Variants in GPHN observed in about 807,000 individuals in gnomAD.
GPHN encodes gephyrin.
A neutral mutation model predicts 95.5 loss-of-function variants in GPHN; 17 were observed. The observed-to-expected ratio is 0.18, with a 90% CI of 0.12 to 0.27. GPHN has a LOEUF of 0.27. GPHN is among the 10% of genes least tolerant of loss of function. The pLI is 1.00. For missense variants in GPHN, 660 were observed against 978.1 expected (o/e 0.67, Z 4.34); for synonymous variants, 320 against 322.5 (o/e 0.99, Z 0.08).
chr14:67,211,973 G>C, the GPHN span, among the ~76,000 whole-genome samples: 5 of 152,140 alleles, frequency 3.3e-5, no homozygotes, highest in Non-Finnish European at 5.9e-5. Flanking sequence ...ATTTGTCCTG[G>C]ATAGACTTTA....
At chr14:67,062,376 A>T (rs1266180717) in intron 11 of GPHN, among the ~76,000 whole-genome samples, 2 of 152,246 alleles carry the variant, frequency 1.3e-5, no homozygotes, top group African/African-American at 4.8e-5. Flanking sequence ...GCCTCTGCAA[A>T]CACTCTAACA....
the GPHN span, among the ~76,000 whole-genome samples, chr14:67,547,509 C>T: frequency 1.3e-5 from 2 of 152,194 alleles, no homozygotes; most frequent in East Asian, 3.9e-4. Context: ...TTGCTACACG[C>T]ACTGGGAGGA....
At chr14:67,408,787 C>T in the GPHN span, among the ~76,000 whole-genome samples, 11 of 152,262 alleles carry the variant, frequency 7.2e-5, no homozygotes, top group Admixed American at 2.6e-4. Flanking sequence ...TTTTCTTCTA[C>T]GCATATTTTT....
the GPHN span, among the ~76,000 whole-genome samples, chr14:67,230,647 C>T: frequency 1.3e-5 from 2 of 152,004 alleles, no homozygotes; most frequent in Admixed American, 1.3e-4. Flanking sequence ...CAAAATAAGA[C>T]TCGTACACAA....
At chr14:67,171,401 A>C (rs1308407289) in intron 21 of GPHN, among the ~76,000 whole-genome samples, 1 of 152,038 alleles carries the variant, frequency 6.6e-6, no homozygotes, top group Non-Finnish European at 1.5e-5. Flanking sequence ...AGAAAAAGAA[A>C]GGAACACAAT....
chr14:66,922,926 C>T lies in GPHN; in HGVS notation c.717C>T (p.Ala239=). Residue 239 remains alanine (A), a synonymous_variant, in exon 7 of 23, where the codon GCC becomes GCT. Coordinates refer to ENST00000478722, the MANE Select transcript of GPHN (RefSeq NM_020806.5). The part of the protein sequence containing the change: ...DSSSSHITAA[A]IAAKKHPFYT... ...CCTCATCACATATAACTGCAGCAGC[C>T]ATTGCTGCCAAGGTAAGCCTGATGA... The T allele has an allele frequency of 6.2e-7, 1 of 1,611,970 alleles. No individual in the cohort carries two copies. The highest frequency in any genetic ancestry group is 8.5e-7 in the Non-Finnish European group (1 of 1,179,388).
the GPHN span, chr14:67,649,929 T>C: frequency 1.3e-5 from 2 of 152,156 alleles, no homozygotes. Flanking sequence ...GGGGTGAGCA[T>C]AGTAGCAGGT....
chr14:66,672,226 A>G (rs1339573857), intron 1 of GPHN, among the ~76,000 whole-genome samples: 1 of 152,088 alleles, frequency 6.6e-6, no homozygotes, highest in African/African-American at 2.4e-5. Context: ...TGTTTAATCT[A>G]TAGGTATTTG....
chr14:67,582,713 TG>T, the GPHN span, among the ~76,000 whole-genome samples: 1 of 152,062 alleles, frequency 6.6e-6, no homozygotes, highest in South Asian at 2.1e-4. This position sits in a 1 kb window ranked among gnomAD's most constrained non-coding sequence, Gnocchi z 5.0. Context: ...GGTGGGCGCC[TG>T]TAATCCCAGC....
At chr14:66,775,524 TGTA>T (rs1266281331) in intron 2 of GPHN, among the ~76,000 whole-genome samples, 2 of 152,336 alleles carry the variant, frequency 1.3e-5, no homozygotes, top group African/African-American at 2.4e-5. Context: ...TATTTTAACA[TGTA>T]GTCAATATAT....
At chr14:67,192,883 T>G in the GPHN span, among the ~76,000 whole-genome samples, 1 of 146,616 alleles carries the variant, frequency 6.8e-6, no homozygotes, top group Non-Finnish European at 1.5e-5. Context: ...TATAGATATA[T>G]ATCTAGATAT....
the GPHN span, among the ~76,000 whole-genome samples, chr14:67,428,881 A>G: frequency 1.3e-5 from 2 of 152,218 alleles, no homozygotes; most frequent in Non-Finnish European, 2.9e-5. Context: ...TGGAGGAGCC[A>G]GGTGAACTTT....
intron 9 of GPHN, among the ~76,000 whole-genome samples, chr14:66,980,293 C>T (rs939982415): frequency 1.3e-5 from 2 of 152,032 alleles, no homozygotes; most frequent in Non-Finnish European, 2.9e-5. Flanking sequence ...GCCTGTATAC[C>T]ACAGCATTTT....
At chr14:67,348,386 T>C in the GPHN span, among the ~76,000 whole-genome samples, 1 of 152,108 alleles carries the variant, frequency 6.6e-6, no homozygotes, top group Non-Finnish European at 1.5e-5. Flanking sequence ...TTGTATTCTT[T>C]GGTAAAGATG....
intron 1 of GPHN, among the ~76,000 whole-genome samples, chr14:66,597,861 C>T (rs895031347): frequency 6.6e-6 from 1 of 152,148 alleles, no homozygotes; most frequent in Non-Finnish European, 1.5e-5. Context: ...TTCCAATAGC[C>T]AAGATGTGGA....
At chr14:66,586,743 CT>C (rs1695280802) in intron 1 of GPHN, among the ~76,000 whole-genome samples, 1 of 152,106 alleles carries the variant, frequency 6.6e-6, no homozygotes, top group African/African-American at 2.4e-5. Context: ...TGTAGAGTTT[CT>C]GCAACGAAAG....
the GPHN span, among the ~76,000 whole-genome samples, chr14:67,349,455 T>C: frequency 1.3e-5 from 2 of 152,264 alleles, no homozygotes; most frequent in African/African-American, 2.4e-5. Context: ...AGGTTTGCTA[T>C]TGAATTGGTT....
the GPHN span, among the ~76,000 whole-genome samples, chr14:67,576,934 C>CACACA: frequency 1.7e-4 from 26 of 152,054 alleles, no homozygotes; most frequent in Non-Finnish European, 2.4e-4. This position sits in a 1 kb window ranked among gnomAD's most constrained non-coding sequence, Gnocchi z 4.0. Flanking sequence ...TGGCATATAC[C>CACACA]ACACACACCC....
At chr14:66,619,991 A>T (rs1402708441) in intron 1 of GPHN, among the ~76,000 whole-genome samples, 1 of 152,106 alleles carries the variant, frequency 6.6e-6, no homozygotes, top group South Asian at 2.1e-4. Flanking sequence ...TCAGGATTTG[A>T]TCGCCAGTGT....
Sources: gnomAD v4.1 joint callset for allele counts (sites outside exome capture counted in the v4.1 genomes callset) on GRCh38, gnomAD v4.1.1 for gene constraint, Gnocchi (gnomAD v3.1) non-coding constraint, MANE v1.5 for transcripts, NCBI Gene and HGNC (gene_info 2026-07-23, HGNC 2026-07-21) for gene names.